Variants in TSBP1 observed in about 807,000 individuals in gnomAD.
The protein encoded by TSBP1 is testis-expressed basic protein 1.
In TSBP1, 56 loss-of-function variants were observed where a neutral mutation model predicts 68.8. The observed-to-expected ratio is 0.81, with a 90% CI of 0.66 to 1.02. The LOEUF is 1.02. Ranked by LOEUF, TSBP1 falls within the 50% of genes least tolerant of loss-of-function variation. The pLI, the probability that TSBP1 is intolerant of heterozygous loss-of-function variation, is 0.00. For synonymous variants in TSBP1, 171 were observed against 208.7 expected (o/e 0.82, Z 1.56); for missense variants, 502 against 641.2 (o/e 0.78, Z 2.34).
At chr6:32,344,601 A>AATCCCCCC in intron 9 of TSBP1, among the ~76,000 whole-genome samples, 1 of 152,208 alleles carries the variant, frequency 6.6e-6, no homozygotes, top group South Asian at 2.1e-4. Context: ...CATCAGCGTT[A>AATCCCCCC]ATCCCCCTTT....
chr6:32,334,960 C>T (rs1023144603), intron 14 of TSBP1, among the ~76,000 whole-genome samples: 1 of 152,030 alleles, frequency 6.6e-6, no homozygotes, highest in African/African-American at 2.4e-5. Context: ...CTTGAACCCA[C>T]GAGGTGGAGC....
At position 32,338,874 on chromosome 6, in the gene TSBP1, A is replaced by T; in HGVS notation, c.409+105T>A. The T allele has an allele frequency of 1.1e-6, 1 of 937,658 alleles. No homozygotes were observed. The highest frequency in any genetic ancestry group is 1.7e-6 in the Non-Finnish European group (1 of 572,272). The allele number at this position is 937,658 out of a possible 1,614,324, so 58.1% of individuals were successfully genotyped here. On this transcript the variant is annotated intron_variant, in intron 11 of 22. Transcript: ENST00000612031. The surrounding 1 kb of genome is among the most constrained non-coding windows in gnomAD (Gnocchi z 5.5). ...ATAAACAAGGGGAAAGGAATGGACA[A>T]TTTGTGAAAGAAATAAAAAAATCTA...
At position 32,329,995 on chromosome 6, in the gene TSBP1, G is replaced by A. The variant is rs1583064695; in HGVS notation, c.514+594C>T. ...ACTGTTATATCCTGTTCCATGAGGT[G>A]CTCTGTCCTATCTTTCTTTTCCTCT... On this transcript the variant is annotated intron_variant, in intron 16 of 22. Coordinates refer to ENST00000612031, the Ensembl canonical transcript of TSBP1. Among the ~76,000 whole-genome samples, 3 of 151,282 alleles carry A rather than the reference G, an allele frequency of 2.0e-5. No individual in the cohort carries two copies. The East Asian group carries it at 5.9e-4, about 30-fold the overall frequency.
chr6:32,305,583 T>C (rs1468324456), intron 19 of TSBP1, among the ~76,000 whole-genome samples: 1 of 152,220 alleles, frequency 6.6e-6, no homozygotes, highest in Non-Finnish European at 1.5e-5. Flanking sequence ...TATTGGGCCA[T>C]GAAGAAAAGC....
intron 15 of TSBP1, among the ~76,000 whole-genome samples, 181 bp downstream of exon 16, chr6:32,331,853 G>A (rs1387704523): frequency 6.6e-6 from 1 of 152,154 alleles, no homozygotes; most frequent in Admixed American, 6.5e-5. Flanking sequence ...CACTCTCTCT[G>A]TGTCTTTTCT....
chr6:32,350,381 ATATTTCAT>A (rs1283250135), intron 8 of TSBP1, among the ~76,000 whole-genome samples: 1 of 152,208 alleles, frequency 6.6e-6, no homozygotes, highest in African/African-American at 2.4e-5. Flanking sequence ...ATTGAGGGGA[ATATTTCAT>A]CCTCTCCTTT....
In TSBP1 at chr6:32,335,854, C is replaced by G; in HGVS notation, c.451+58G>C. The G allele has an allele frequency of 7.2e-7, 1 of 1,387,716 alleles. No homozygotes were observed. The highest frequency in any genetic ancestry group is 1.0e-6 in the Non-Finnish European group (1 of 977,100). The allele number at this position is 1,387,716 out of a possible 1,614,324, so 86.0% of individuals were successfully genotyped here. On this transcript the variant is annotated intron_variant, in intron 13 of 22. Transcript: ENST00000612031. The surrounding 1 kb of genome is among the most constrained non-coding windows in gnomAD (Gnocchi z 5.5). Reference sequence around the variant, plus strand: ...CCAACATGGAAACCAGGTAGCGATCCCTAAGATACTGCAGGAAAGTAAAAT... The same window carrying G: ...CCAACATGGAAACCAGGTAGCGATCGCTAAGATACTGCAGGAAAGTAAAAT...
At chr6:32,300,595 C>T in intron 21 of TSBP1, 85 bp downstream of exon 24, 2 of 1,185,022 alleles carry the variant, frequency 1.7e-6, no homozygotes, top group Non-Finnish European at 2.5e-6. Flanking sequence ...GGTAGAGGAA[C>T]TCGTAACACA....
At chr6:32,356,887 AAT>A (rs941296652) in intron 6 of TSBP1, 2 of 154,312 alleles carry the variant, frequency 1.3e-5, no homozygotes, top group African/African-American at 4.8e-5. Context: ...GAATAAATTT[AAT>A]TTCAAAAAAA....
chr6:32,310,026 T>C (rs1053736667), intron 19 of TSBP1, among the ~76,000 whole-genome samples: 4 of 152,198 alleles, frequency 2.6e-5, no homozygotes, highest in African/African-American at 9.7e-5. Flanking sequence ...CCTGGCTTAT[T>C]TCACTTAACA....
At chr6:32,354,217 CATA>C (rs1190290672) in intron 8 of TSBP1, among the ~76,000 whole-genome samples, 2 of 151,750 alleles carry the variant, frequency 1.3e-5, no homozygotes, top group South Asian at 4.2e-4. Flanking sequence ...GTTGATCTTT[CATA>C]ATAATAAAGA....
chr6:32,320,616 C>T (rs1368756236), intron 18 of TSBP1, among the ~76,000 whole-genome samples: 3 of 151,802 alleles, frequency 2.0e-5, no homozygotes, highest in Admixed American at 6.6e-5. Flanking sequence ...AATTTCTGCT[C>T]CTTGGAAATC....
chr6:32,304,854 T>G lies in TSBP1; in HGVS notation c.581-2225A>C, dbSNP rs1425236448. On this transcript the variant is annotated intron_variant, in intron 19 of 22. Transcript: ENST00000612031. The surrounding 1 kb of genome is among the most constrained non-coding windows in gnomAD (Gnocchi z 4.8). ...AAACTCTTCAAGAGTTAGTAATACT[T>G]ATTTTAAGTTTTGCTTCTTTTACTT... Among the ~76,000 whole-genome samples the G allele has an allele frequency of 6.6e-6, 1 of 152,210 alleles. No homozygotes were observed.
At chr6:32,362,524 C>G (rs1484031085) in intron 6 of TSBP1, among the ~76,000 whole-genome samples, 1 of 152,178 alleles carries the variant, frequency 6.6e-6, no homozygotes. Flanking sequence ...TTATAAGCAA[C>G]AGAAACAGAT....
Position 32,312,334 on chromosome 6 carries a change from GCAA to G in TSBP1, c.580+3435_580+3437del, listed in dbSNP as rs570768791. 1.2e-3 allele frequency among the ~76,000 whole-genome samples: 187 copies of G among 152,230 alleles called. 4 individuals carry two copies. The highest frequency in any genetic ancestry group is 0.011 in the Admixed American group (167 of 15,298). ...AATTATAACAACGGTGGGAATTATAGCAACAAGGAGAGTGGACAGGAAGGGGAA... is the reference window on the plus strand; with the variant it reads ...AATTATAACAACGGTGGGAATTATAGCAAGGAGAGTGGACAGGAAGGGGAA... On this transcript the variant is annotated intron_variant, in intron 19 of 22. Coordinates refer to ENST00000612031, the Ensembl canonical transcript of TSBP1.
chr6:32,359,217 C>G (rs1175546278), intron 6 of TSBP1, among the ~76,000 whole-genome samples: 1 of 152,030 alleles, frequency 6.6e-6, no homozygotes, highest in Non-Finnish European at 1.5e-5. Flanking sequence ...TGAGGAATAG[C>G]CACACTGACT....
chr6:32,370,417 A>G (rs879926919), intron 1 of TSBP1, among the ~76,000 whole-genome samples: 952 of 33,558 alleles, frequency 0.028, 24 homozygotes, highest in East Asian at 0.11. Context: ...GTATATATAT[A>G]TATATATATA....
intron 8 of TSBP1, among the ~76,000 whole-genome samples, chr6:32,354,300 G>A (rs758382758): frequency 2.6e-5 from 4 of 152,120 alleles, no homozygotes; most frequent in South Asian, 4.1e-4. Flanking sequence ...ATAGGGTGAA[G>A]CCTCACTAGC....
rs553526621 is a variant in TSBP1, at chr6:32,325,634, C to G, written c.515-2020G>C. 3 of 1,025,864 alleles carry G rather than the reference C, an allele frequency of 2.9e-6. No homozygotes were observed. The highest frequency in any genetic ancestry group is 3.4e-5 in the Admixed American group (2 of 59,172). The allele number at this position is 1,025,864 out of a possible 1,614,324, so 63.5% of individuals were successfully genotyped here. A position where few individuals can be genotyped will look rare whatever the true frequency, so the allele number is the denominator to read the frequency against. On this transcript the variant is annotated intron_variant, in intron 16 of 22. Coordinates refer to ENST00000612031, the Ensembl canonical transcript of TSBP1. This position sits in a 1 kb window ranked among gnomAD's most constrained non-coding sequence, Gnocchi z 4.4. ...TGAAGTGATTGAAAACATGACTGAC[C>G]GAGGCAGTTGCAAGAAAAGGGGATT...
Sources: allele counts gnomAD v4.1 joint callset (sites outside exome capture counted in the v4.1 genomes callset), GRCh38; gene constraint gnomAD v4.1.1; non-coding constraint Gnocchi (gnomAD v3.1); transcripts MANE v1.5; gene names NCBI Gene and HGNC (gene_info 2026-07-23, HGNC 2026-07-21).